TOP1: variants seen among roughly 807,000 people sequenced by gnomAD.
TOP1 encodes the protein DNA topoisomerase 1.
A neutral mutation model predicts 111.1 loss-of-function variants in TOP1; 10 were observed. The observed-to-expected ratio is 0.09, with a 90% CI of 0.06 to 0.15. TOP1 has a LOEUF of 0.15. TOP1 is among the 10% of genes least tolerant of loss of function. The pLI, the probability that TOP1 is intolerant of heterozygous loss-of-function variation, is 1.00. For missense variants in TOP1, 474 were observed against 926.7 expected (o/e 0.51, Z 6.34); for synonymous variants, 271 against 302.9 (o/e 0.89, Z 1.10).
At position 41,083,309 on chromosome 20, in the gene TOP1, A is replaced by G. The variant is rs2033810636; in HGVS notation, c.508-1153A>G. Among the ~76,000 whole-genome samples, 1 of 152,160 alleles carries G rather than the reference A, an allele frequency of 6.6e-6. No homozygotes were observed. ...TGTGATCCTGTAGTACCTTCTCCCA[A>G]ACATACCCACATATTTATATTCTCC... On this transcript the variant is annotated intron_variant, in intron 7 of 20. Transcript: ENST00000361337. This position sits in a 1 kb window ranked among gnomAD's most constrained non-coding sequence, Gnocchi z 7.2.
At position 41,080,288 on chromosome 20, in the gene TOP1, T is replaced by C; in HGVS notation, c.431+108T>C. 1 of 653,184 alleles carries C rather than the reference T, an allele frequency of 1.5e-6. No homozygotes were observed. The highest frequency in any genetic ancestry group is 2.6e-6 in the Non-Finnish European group (1 of 390,152). 40.5% of individuals were successfully genotyped at this position (653,184 alleles called of 1,614,324 possible). ...CATATAGAAACTGCATTAATTGGCT[T>C]TTACTCATTTGGAATTTGTGATTAA... On this transcript the variant is annotated intron_variant, in intron 6 of 20. Coordinates refer to ENST00000361337, the MANE Select transcript of TOP1 (RefSeq NM_003286.4). This position sits in a 1 kb window ranked among gnomAD's most constrained non-coding sequence, Gnocchi z 5.0.
Position 41,061,180 on chromosome 20 carries a change from C to T in TOP1, c.59-214C>T, listed in dbSNP as rs1262754853. On this transcript the variant is annotated intron_variant, in intron 2 of 20. Transcript: ENST00000361337. This position sits in a 1 kb window ranked among gnomAD's most constrained non-coding sequence, Gnocchi z 4.6. Reference sequence around the variant, plus strand: ...TAATTGGCTCTCATTTCCTTATCCTCCCCATATTAGTAACTTGTCTTGATT... The same window carrying T: ...TAATTGGCTCTCATTTCCTTATCCTTCCCATATTAGTAACTTGTCTTGATT... Among the ~76,000 whole-genome samples the T allele has an allele frequency of 6.6e-6, 1 of 152,180 alleles. No homozygotes were observed. Among genetic ancestry groups the T allele is most frequent in the Non-Finnish European group, 1.5e-5 (1 of 68,018 alleles).
intron 8 of TOP1, among the ~76,000 whole-genome samples, chr20:41,090,748 C>T (rs1237540072): frequency 1.3e-5 from 2 of 152,140 alleles, no homozygotes; most frequent in African/African-American, 4.8e-5. Flanking sequence ...TCAAGTGATC[C>T]GCCCACCCCA....
intron 14 of TOP1, 93 bp from the exon 15 acceptor site, chr20:41,113,877 C>G (rs1489237809): frequency 1.7e-5 from 16 of 926,304 alleles, no homozygotes; most frequent in Non-Finnish European, 2.3e-5. Flanking sequence ...GCGAGACTGT[C>G]TCAAAAAAAA....
At chr20:41,111,151 A>G (rs987818558) in intron 13 of TOP1, among the ~76,000 whole-genome samples, 8 of 152,202 alleles carry the variant, frequency 5.3e-5, no homozygotes, top group Admixed American at 5.2e-4. Flanking sequence ...GTCCATGTGC[A>G]CTAGAGTGAG....
chr20:41,031,868 T>C (rs2033124086), intron 2 of TOP1, among the ~76,000 whole-genome samples: 1 of 152,232 alleles, frequency 6.6e-6, no homozygotes, highest in Non-Finnish European at 1.5e-5. Context: ...GATTTGATAA[T>C]TTGTCATTTG....
Position 41,034,943 on chromosome 20 carries a change from G to A in TOP1, c.58+5488G>A, listed in dbSNP as rs1023107198. Among the ~76,000 whole-genome samples, 1 of 152,022 alleles carries A rather than the reference G, an allele frequency of 6.6e-6. No individual in the cohort carries two copies. The highest frequency in any genetic ancestry group is 1.5e-5 in the Non-Finnish European group (1 of 68,002). The stretch of plus-strand genomic sequence containing the variant: ...TTCTGTTTGTTGCCCGGGCTGGAGC[G>A]CAGTAGTGTGATTGCAGCTCACTGC... On this transcript the variant is annotated intron_variant, in intron 2 of 20. Coordinates refer to ENST00000361337, the MANE Select transcript of TOP1 (RefSeq NM_003286.4). This position sits in a 1 kb window ranked among gnomAD's most constrained non-coding sequence, Gnocchi z 4.0.
chr20:41,053,457 A>G (rs1408408846), intron 2 of TOP1, among the ~76,000 whole-genome samples: 1 of 152,126 alleles, frequency 6.6e-6, no homozygotes, highest in African/African-American at 2.4e-5. Context: ...TTACTCTTAG[A>G]CTTTTTTTCC....
At chr20:41,057,433 C>T (rs1486782545) in intron 2 of TOP1, among the ~76,000 whole-genome samples, 1 of 152,010 alleles carries the variant, frequency 6.6e-6, no homozygotes, top group Non-Finnish European at 1.5e-5. Flanking sequence ...CTGAAACCTG[C>T]CTGGAATTAC....
intron 2 of TOP1, among the ~76,000 whole-genome samples, chr20:41,045,046 C>G (rs1284656346): frequency 1.3e-5 from 2 of 152,192 alleles, no homozygotes; most frequent in Non-Finnish European, 2.9e-5. Context: ...CCTCAGCCTC[C>G]CAAAGTGCTG....
At chr20:41,093,898 T>C (rs772441599) in intron 9 of TOP1, among the ~76,000 whole-genome samples, 2 of 151,996 alleles carry the variant, frequency 1.3e-5, no homozygotes, top group African/African-American at 4.8e-5. Context: ...TAAAATGCCA[T>C]ATTTATTAGC....
chr20:41,076,536 A>AT (rs1204718048), intron 4 of TOP1, among the ~76,000 whole-genome samples: 1 of 152,188 alleles, frequency 6.6e-6, no homozygotes, highest in Admixed American at 6.5e-5. Context: ...CAATGAATAC[A>AT]TTGAGAATGC....
Position 41,114,689 on chromosome 20 carries a change from C to T in TOP1, c.1638+534C>T, listed in dbSNP as rs962003186. On this transcript the variant is annotated intron_variant, in intron 15 of 20. Transcript: ENST00000361337. This position sits in a 1 kb window ranked among gnomAD's most constrained non-coding sequence, Gnocchi z 4.5. Reference sequence around the variant, plus strand: ...TCTTTGCTCAGCCTTTCTCCAACTCCTGACTGAGTGAAAGGTTAATGTTAG... The same window carrying T: ...TCTTTGCTCAGCCTTTCTCCAACTCTTGACTGAGTGAAAGGTTAATGTTAG... Among the ~76,000 whole-genome samples the T allele has an allele frequency of 2.0e-5, 3 of 152,174 alleles. No homozygotes were observed. The highest frequency in any genetic ancestry group is 7.2e-5 in the African/African-American group (3 of 41,426).
chr20:41,095,744 G>A lies in TOP1; in HGVS notation c.731-1476G>A, dbSNP rs2033973509. 6.6e-6 allele frequency among the ~76,000 whole-genome samples: 1 copy of A among 152,216 alleles called. No individual in the cohort carries two copies. The highest frequency in any genetic ancestry group is 2.4e-5 in the African/African-American group (1 of 41,458). ...TAAATTTTAGTTTTCTATAAAGAAT[G>A]TGGGCAGCCTTGGTGAATTATTAAT... On this transcript the variant is annotated intron_variant, in intron 9 of 20. Transcript: ENST00000361337. This position sits in a 1 kb window ranked among gnomAD's most constrained non-coding sequence, Gnocchi z 4.6.
At chr20:41,043,391 C>G (rs1465711079) in intron 2 of TOP1, among the ~76,000 whole-genome samples, 1 of 152,110 alleles carries the variant, frequency 6.6e-6, no homozygotes, top group African/African-American at 2.4e-5. Flanking sequence ...AATTCATAAT[C>G]GGGGGAGGAT....
intron 3 of TOP1, among the ~76,000 whole-genome samples, chr20:41,064,280 T>C (rs952551126): frequency 1.3e-5 from 2 of 152,212 alleles, no homozygotes; most frequent in African/African-American, 4.8e-5. Flanking sequence ...TGTGTCTGTT[T>C]TTGTACCATT....
At chr20:41,093,066 C>G (rs1373995959) in intron 9 of TOP1, among the ~76,000 whole-genome samples, 1 of 152,158 alleles carries the variant, frequency 6.6e-6, no homozygotes, top group East Asian at 1.9e-4. Flanking sequence ...GCATCTGTCA[C>G]CTATTCTGTG....
At chr20:41,057,727 A>G (rs951546860) in intron 2 of TOP1, among the ~76,000 whole-genome samples, 2 of 152,164 alleles carry the variant, frequency 1.3e-5, no homozygotes, top group Non-Finnish European at 2.9e-5. Flanking sequence ...TGAATTATAC[A>G]CAGAGTAGTT....
In TOP1 at chr20:41,102,762, G is replaced by A. The variant is rs1030777256; in HGVS notation, c.1308+1409G>A. On this transcript the variant is annotated intron_variant, in intron 13 of 20. Transcript: ENST00000361337. The surrounding 1 kb of genome is among the most constrained non-coding windows in gnomAD (Gnocchi z 4.0). ...GAAGTATCGCAAAGCTGTATATATG[G>A]CTACAAAAGCAGAAAAATAATAGTT... Among the ~76,000 whole-genome samples, 1 of 152,164 alleles carries A rather than the reference G, an allele frequency of 6.6e-6. No homozygotes were observed. The highest frequency in any genetic ancestry group is 6.5e-5 in the Admixed American group (1 of 15,278).
Sources: allele counts gnomAD v4.1 joint callset (sites outside exome capture counted in the v4.1 genomes callset), GRCh38; gene constraint gnomAD v4.1.1; non-coding constraint Gnocchi (gnomAD v3.1); transcripts MANE v1.5; gene names NCBI Gene and HGNC (gene_info 2026-07-23, HGNC 2026-07-21).